ARHGAP29: variants seen among roughly 807,000 people sequenced by gnomAD.
The protein encoded by ARHGAP29 is Rho GTPase activating protein 29.
In ARHGAP29, 43 loss-of-function variants were observed where a neutral mutation model predicts 122.6. That is an observed-to-expected ratio of 0.35 (90% CI 0.27 to 0.45). The LOEUF (loss-of-function observed/expected upper bound fraction) is 0.45, where lower values mean the gene tolerates loss of function less well. ARHGAP29 is among the 20% of genes least tolerant of loss of function. ARHGAP29 has a pLI of 1.00. For synonymous variants in ARHGAP29, 506 were observed against 497.1 expected, an observed-to-expected ratio of 1.02 and a Z score of -0.24; for missense variants, 1,303 against 1,477.2, an observed-to-expected ratio of 0.88 and a Z score of 1.93.
In ARHGAP29 at chr1:94,202,904, A is replaced by G; in HGVS notation, c.954+14T>C. 1 of 1,592,188 alleles carries G rather than the reference A, an allele frequency of 6.3e-7. No individual in the cohort carries two copies. Among genetic ancestry groups the G allele is most frequent in the African/African-American group, 1.4e-5 (1 of 73,578 alleles). Reference sequence around the variant, plus strand: ...TTCACAAATAGGTACATGAAACTCCATTTTAATACTAACCATTTTATTTTG... The same window carrying G: ...TTCACAAATAGGTACATGAAACTCCGTTTTAATACTAACCATTTTATTTTG... On this transcript the variant is annotated intron_variant, in intron 10 of 22. Transcript: ENST00000260526.
At chr1:94,205,549 A>T in intron 6 of ARHGAP29, 86 bp downstream of exon 6, 1 of 1,252,204 alleles carries the variant, frequency 8.0e-7, no homozygotes, top group Non-Finnish European at 1.1e-6. Flanking sequence ...ACACTAGGTT[A>T]CTAAGCAAGA....
chr1:94,312,443 T>A, the ARHGAP29 span, among the ~76,000 whole-genome samples: 1 of 151,316 alleles, frequency 6.6e-6, no homozygotes, highest in South Asian at 2.1e-4. Context: ...TCTTTTTTTT[T>A]TTTTTGAAGA....
At chr1:94,309,529 G>A in the ARHGAP29 span, among the ~76,000 whole-genome samples, 1 of 152,198 alleles carries the variant, frequency 6.6e-6, no homozygotes, top group African/African-American at 2.4e-5. Flanking sequence ...ATTATGCACA[G>A]ATGATTTTTT....
intron 2 of ARHGAP29, among the ~76,000 whole-genome samples, chr1:94,225,952 CA>C (rs1652588333): frequency 6.6e-6 from 1 of 151,968 alleles, no homozygotes; most frequent in Non-Finnish European, 1.5e-5. Context: ...TTTTCTGCTT[CA>C]TTCCACTTAT....
At chr1:94,198,261 A>G (rs1650596376) in intron 12 of ARHGAP29, among the ~76,000 whole-genome samples, 1 of 152,128 alleles carries the variant, frequency 6.6e-6, no homozygotes, top group Non-Finnish European at 1.5e-5. Flanking sequence ...GGATTCCTTG[A>G]GCCCAGGAAT....
At chr1:94,300,405 C>T in the ARHGAP29 span, among the ~76,000 whole-genome samples, 1 of 152,136 alleles carries the variant, frequency 6.6e-6, no homozygotes, top group Non-Finnish European at 1.5e-5. Flanking sequence ...GTGGGTGAAT[C>T]ACTTGTTTCT....
At chr1:94,204,213 C>T (rs917284347) in intron 7 of ARHGAP29, among the ~76,000 whole-genome samples, 1 of 151,532 alleles carries the variant, frequency 6.6e-6, no homozygotes, top group African/African-American at 2.4e-5. Context: ...AACTCCCAGG[C>T]TCAAGTGATC....
chr1:94,247,829 C>T (rs928064698), intron 1 of ARHGAP29: 1 of 215,878 alleles, frequency 4.6e-6, no homozygotes, highest in Non-Finnish European at 7.9e-6. Context: ...GGGGCGGGGT[C>T]GGCGACCGCG....
At chr1:94,270,870 T>C (rs1654962650) in intron 1 of ARHGAP29, among the ~76,000 whole-genome samples, 1 of 152,240 alleles carries the variant, frequency 6.6e-6, no homozygotes, top group Non-Finnish European at 1.5e-5. Context: ...AGACAGAGAA[T>C]GGCCCCAAAT....
chr1:94,298,582 A>G, the ARHGAP29 span, among the ~76,000 whole-genome samples: 1 of 152,208 alleles, frequency 6.6e-6, no homozygotes. Flanking sequence ...TTTTACACAA[A>G]ACAAGATAGG....
chr1:94,302,576 T>G, the ARHGAP29 span: 2 of 358,068 alleles, frequency 5.6e-6, no homozygotes, highest in Non-Finnish European at 1.1e-5. Context: ...CCCAGAAGAC[T>G]CTCATGGCCC....
Position 94,179,284 on chromosome 1 carries a change from CACACTTA to C in ARHGAP29, c.2480+434_2480+440del, listed in dbSNP as rs1649298437. 2.0e-5 allele frequency among the ~76,000 whole-genome samples: 3 copies of C among 152,096 alleles called. No homozygotes were observed. The South Asian group carries it at 6.2e-4, about 32-fold the overall frequency. ...AAAAGTAACACTGCAACAATATGAACACACTTAACACTTAAGAATGGCTAAGAAGTGC... is the reference window on the plus strand; with the variant it reads ...AAAAGTAACACTGCAACAATATGAACACACTTAAGAATGGCTAAGAAGTGC... On this transcript the variant is annotated intron_variant, in intron 20 of 22. Coordinates refer to ENST00000260526, the MANE Select transcript of ARHGAP29 (RefSeq NM_004815.4).
intron 1 of ARHGAP29, among the ~76,000 whole-genome samples, chr1:94,260,604 TTA>T (rs1654523402): frequency 6.6e-6 from 1 of 152,054 alleles, no homozygotes; most frequent in South Asian, 2.1e-4. Context: ...CTTGGAGAGT[TTA>T]AATAGAATGC....
At chr1:94,219,508 T>C (rs899605295) in intron 3 of ARHGAP29, among the ~76,000 whole-genome samples, 1 of 152,212 alleles carries the variant, frequency 6.6e-6, no homozygotes, top group Admixed American at 6.5e-5. Context: ...TTCCTTCTTA[T>C]TTAACAAATC....
intron 3 of ARHGAP29, among the ~76,000 whole-genome samples, chr1:94,212,904 T>C (rs1204588424): frequency 2.0e-5 from 3 of 152,188 alleles, no homozygotes; most frequent in Admixed American, 2.0e-4. Flanking sequence ...CTATACCAAC[T>C]TTACTCCTCC....
In ARHGAP29 at chr1:94,205,214, T is replaced by C. The variant is rs372956735; in HGVS notation, c.560-16A>G. 124 of 1,568,282 alleles carry C rather than the reference T, an allele frequency of 7.9e-5. 2 individuals are homozygous for C. The highest frequency in any genetic ancestry group is 4.1e-5 in the Non-Finnish European group (47 of 1,158,648). ...GAAAAATTTCCTGAAAACAAAAATA[T>C]CAAGGTAAGTATATGTTAAATGTGA... On this transcript the variant is annotated splice_polypyrimidine_tract_variant and intron_variant, in intron 6 of 22. Transcript: ENST00000260526.
Position 94,173,830 on chromosome 1 carries a change from AAC to A in ARHGAP29, c.*37_*38del. On this transcript the variant is annotated 3_prime_UTR_variant, in exon 23 of 23. Transcript: ENST00000260526. ...CAAAACAAGCACAATACCACAAAAT[AAC>A]ACAACAACAACAAAAAAACCCTGAA... The A allele has an allele frequency of 6.4e-7, 1 of 1,551,644 alleles. No homozygotes were observed. The highest frequency in any genetic ancestry group is 8.7e-7 in the Non-Finnish European group (1 of 1,148,904).
chr1:94,204,306 G>A lies in ARHGAP29; in HGVS notation c.698-312C>T, dbSNP rs900853253. Among the ~76,000 whole-genome samples, 3 of 152,014 alleles carry A rather than the reference G, an allele frequency of 2.0e-5. No homozygotes were observed. The South Asian group carries it at 6.2e-4, about 32-fold the overall frequency. On this transcript the variant is annotated intron_variant, in intron 7 of 22. Coordinates refer to ENST00000260526, the MANE Select transcript of ARHGAP29 (RefSeq NM_004815.4). ...TAAGCCACCATGTACAGCTCTTAAT[G>A]CAGCACTTCTTAATTGTGAGTGCTC...
intron 13 of ARHGAP29, among the ~76,000 whole-genome samples, chr1:94,189,620 C>T (rs903625948): frequency 1.3e-5 from 2 of 152,034 alleles, no homozygotes; most frequent in Non-Finnish European, 2.9e-5. Flanking sequence ...TCTAGCATGA[C>T]CTCTGTGAAA....
Sources: gnomAD v4.1 joint callset for allele counts (sites outside exome capture counted in the v4.1 genomes callset) on GRCh38, gnomAD v4.1.1 for gene constraint, MANE v1.5 for transcripts, NCBI Gene and HGNC (gene_info 2026-07-23, HGNC 2026-07-21) for gene names.